Variants in TACC1 observed in about 807,000 individuals in gnomAD.
TACC1 encodes the protein transforming acidic coiled-coil containing protein 1, also known as transforming acidic coiled-coil-containing protein 1.
In TACC1, 48 loss-of-function variants were observed where a neutral mutation model predicts 84.4. The observed-to-expected ratio is 0.57, with a 90% CI of 0.45 to 0.72. The LOEUF (loss-of-function observed/expected upper bound fraction) is 0.72, where lower values mean the gene tolerates loss of function less well. TACC1 is among the 30% of genes least tolerant of loss of function. TACC1 has a pLI of 0.00. For synonymous variants in TACC1, 372 were observed against 376.3 expected (o/e 0.99, Z 0.13); for missense variants, 920 against 973.0 (o/e 0.95, Z 0.72).
intron 1 of TACC1, among the ~76,000 whole-genome samples, chr8:38,742,181 A>C (rs1021335944): frequency 1.8e-4 from 28 of 152,196 alleles, no homozygotes; most frequent in African/African-American, 6.7e-4. Flanking sequence ...TTTTTGCCAG[A>C]ATTTGGCATT....
chr8:38,769,154 GGTGT>G (rs1047057304), intron 3 of TACC1, among the ~76,000 whole-genome samples: 2 of 145,332 alleles, frequency 1.4e-5, no homozygotes, highest in East Asian at 2.2e-4. Flanking sequence ...CTAGGTGTGT[GGTGT>G]GTGTGTGTAT....
At chr8:38,841,153 T>C (rs2152319288) in intron 9 of TACC1, among the ~76,000 whole-genome samples, 1 of 152,362 alleles carries the variant, frequency 6.6e-6, no homozygotes, top group South Asian at 2.1e-4. Flanking sequence ...TAACCTTGTT[T>C]TACGTGTGTT....
chr8:38,755,884 G>A (rs770166587), intron 3 of TACC1, among the ~76,000 whole-genome samples: 7 of 151,562 alleles, frequency 4.6e-5, no homozygotes, highest in African/African-American at 1.2e-4. Flanking sequence ...GCGCGATCTC[G>A]GCTCACTGCA....
chr8:38,765,107 A>AT (rs1811983479), intron 3 of TACC1, among the ~76,000 whole-genome samples: 1 of 152,088 alleles, frequency 6.6e-6, no homozygotes, highest in Non-Finnish European at 1.5e-5. Context: ...TCAAAAAAAA[A>AT]AAATTCCGTA....
intron 3 of TACC1, among the ~76,000 whole-genome samples, chr8:38,755,103 T>G (rs568507850): frequency 7.3e-6 from 1 of 136,176 alleles, no homozygotes; most frequent in South Asian, 2.2e-4. Context: ...GAGGTTGTGG[T>G]GAGACAAGAT....
At chr8:38,748,814 C>T (rs1587205349) in intron 3 of TACC1, among the ~76,000 whole-genome samples, 1 of 152,072 alleles carries the variant, frequency 6.6e-6, no homozygotes, top group East Asian at 1.9e-4. Flanking sequence ...GGGAAATTTA[C>T]AGTTTTGAAA....
chr8:38,820,468 C>T lies in TACC1; in HGVS notation c.1224C>T (p.Pro408=), dbSNP rs778153141. The T allele has an allele frequency of 3.1e-6, 5 of 1,614,200 alleles. No homozygotes were observed. Among genetic ancestry groups the T allele is most frequent in the Non-Finnish European group, 4.2e-6 (5 of 1,180,034 alleles). ...GSHSVLQNSP[P]LSSEGSYHFD... is the part of the protein sequence containing the mutation. ...ACTCTGTTCTGCAGAACTCCCCACCCCTCTCTTCTGAGGGCTCCTACCACT... is the reference window on the plus strand; with the variant it reads ...ACTCTGTTCTGCAGAACTCCCCACCTCTCTCTTCTGAGGGCTCCTACCACT... Residue 408 remains proline (P), a synonymous_variant, in exon 3 of 13, where the codon CCC becomes CCT. Transcript: ENST00000317827.
intron 3 of TACC1, among the ~76,000 whole-genome samples, chr8:38,822,970 A>G (rs1827214860): frequency 6.6e-6 from 1 of 152,236 alleles, no homozygotes; most frequent in African/African-American, 2.4e-5. Context: ...TAAAATGTAG[A>G]TATAAAGAAG....
chr8:38,827,400 C>G, intron 5 of TACC1, 25 bp downstream of exon 5: 1 of 1,610,304 alleles, frequency 6.2e-7, no homozygotes, highest in South Asian at 1.1e-5. Context: ...CTTCATCTTT[C>G]TAATGTACAT....
chr8:38,777,349 C>A (rs868190730), intron 3 of TACC1, among the ~76,000 whole-genome samples: 6 of 152,186 alleles, frequency 3.9e-5, no homozygotes, highest in Admixed American at 1.3e-4. Flanking sequence ...CTCTGCTCCC[C>A]AGTCAGCCTG....
At chr8:38,735,854 G>C (rs1228895685) in intron 1 of TACC1, among the ~76,000 whole-genome samples, 1 of 152,342 alleles carries the variant, frequency 6.6e-6, no homozygotes, top group African/African-American at 2.4e-5. Flanking sequence ...GAGAAAATCT[G>C]TAGGAAAGGA....
rs1443154730 is a variant in TACC1 at position 38,847,737 on chromosome 8, GTCCTC to G, written c.2350-217_2350-213del. The stretch of plus-strand genomic sequence containing the variant: ...GACAAGTTTCAGAGGGCTGGTGACT[GTCCTC>G]ACCCTTTACTCAATTTAAGCATGAT... On this transcript the variant is annotated intron_variant, in intron 12 of 12. Coordinates refer to ENST00000317827, the MANE Select transcript of TACC1 (RefSeq NM_006283.3). Among the ~76,000 whole-genome samples the G allele has an allele frequency of 5.3e-3, 811 of 152,358 alleles. 4 individuals carry two copies. Among genetic ancestry groups the G allele is most frequent in the African/African-American group, 0.018 (763 of 41,580 alleles).
Position 38,787,501 on chromosome 8 carries a change from G to T in TACC1, c.-82G>T. On this transcript the variant is annotated 5_prime_UTR_variant, in exon 1 of 13. Transcript: ENST00000317827. ...AAACGCTTGCTGGCGCCTGTCACCG[G>T]TTCCCTCCATTTTGAAAGGGAAAAA... The T allele has an allele frequency of 1.4e-6, 2 of 1,421,188 alleles. No individual in the cohort carries two copies. The highest frequency in any genetic ancestry group is 3.0e-5 in the South Asian group (2 of 66,648). 88.0% of individuals were successfully genotyped at this position (1,421,188 alleles called of 1,614,324 possible). A position where few individuals can be genotyped will look rare whatever the true frequency, so the allele number is the denominator to read the frequency against.
At chr8:38,752,009 G>A (rs1809130025) in intron 3 of TACC1, among the ~76,000 whole-genome samples, 1 of 152,160 alleles carries the variant, frequency 6.6e-6, no homozygotes, top group South Asian at 2.1e-4. Context: ...TAACCACCAA[G>A]CGTAGTTCCT....
chr8:38,746,398 A>T (rs961705851), intron 3 of TACC1, among the ~76,000 whole-genome samples: 1 of 152,134 alleles, frequency 6.6e-6, no homozygotes, highest in Non-Finnish European at 1.5e-5. Flanking sequence ...GTGTTTGTCT[A>T]ATATCTTGAA....
At chr8:38,801,149 T>G (rs1279774852) in intron 2 of TACC1, among the ~76,000 whole-genome samples, 1 of 152,246 alleles carries the variant, frequency 6.6e-6, no homozygotes, top group Non-Finnish European at 1.5e-5. Flanking sequence ...AATTCCTTAT[T>G]AGATATGTGA....
intron 2 of TACC1, among the ~76,000 whole-genome samples, chr8:38,797,026 T>G (rs537255724): frequency 6.6e-6 from 1 of 152,354 alleles, no homozygotes; most frequent in Admixed American, 6.5e-5. Context: ...TCAAGAATCC[T>G]CTCCTAAGGC....
At chr8:38,775,111 A>G (rs1249831190) in intron 3 of TACC1, among the ~76,000 whole-genome samples, 2 of 152,164 alleles carry the variant, frequency 1.3e-5, no homozygotes, top group East Asian at 3.8e-4. Flanking sequence ...TGCCTTTTAA[A>G]ATGAGGTGAA....
upstream of TACC1, chr8:38,785,758 C>T (rs1817014809): frequency 6.1e-5 from 60 of 979,792 alleles, no homozygotes; most frequent in Non-Finnish European, 6.9e-5. Context: ...CCTAAAACTA[C>T]AACAGTTGGA....
Sources: gnomAD v4.1 joint callset for allele counts (sites outside exome capture counted in the v4.1 genomes callset) on GRCh38, gnomAD v4.1.1 for gene constraint, MANE v1.5 for transcripts, NCBI Gene and HGNC (gene_info 2026-07-23, HGNC 2026-07-21) for gene names.